Variants in BMP6 observed in about 807,000 individuals in gnomAD.
BMP6 encodes bone morphogenetic protein 6.
In BMP6, 17 loss-of-function variants were observed where a neutral mutation model predicts 54.1. The observed-to-expected ratio is 0.31, with a 90% CI of 0.22 to 0.47. The LOEUF is 0.47. Ranked by LOEUF, BMP6 falls within the 20% of genes least tolerant of loss-of-function variation. BMP6 has a pLI of 1.00. For synonymous variants in BMP6, 328 were observed against 291.2 expected (o/e 1.13, Z -1.28); for missense variants, 720 against 690.4 (o/e 1.04, Z -0.48).
intron 1 of BMP6, among the ~76,000 whole-genome samples, chr6:7,820,631 A>G (rs1391094394): frequency 2.0e-5 from 3 of 152,174 alleles, no homozygotes; most frequent in Non-Finnish European, 2.9e-5. Flanking sequence ...CCAGCTGCTC[A>G]TTCCCCGAGG....
intron 1 of BMP6, among the ~76,000 whole-genome samples, chr6:7,778,160 T>C (rs1467231265): frequency 1.3e-5 from 2 of 152,092 alleles, no homozygotes; most frequent in African/African-American, 2.4e-5. Context: ...GAGAGGTGTG[T>C]CATAAAAGGC....
intron 1 of BMP6, among the ~76,000 whole-genome samples, chr6:7,728,304 G>A (rs1201307161): frequency 6.6e-6 from 1 of 152,186 alleles, no homozygotes; most frequent in Admixed American, 6.5e-5. Flanking sequence ...CATGCCCTTG[G>A]CCATTGTCCC....
intron 1 of BMP6, among the ~76,000 whole-genome samples, chr6:7,833,981 C>T (rs1241287116): frequency 1.8e-4 from 27 of 152,078 alleles, no homozygotes; most frequent in Non-Finnish European, 1.5e-5. Flanking sequence ...TTCAGGACTC[C>T]CCTGTGGGAG....
chr6:7,750,206 A>T lies in BMP6; in HGVS notation c.664+22587A>T, dbSNP rs143946854. 8.5e-5 allele frequency among the ~76,000 whole-genome samples: 13 copies of T among 152,338 alleles called. No individual in the cohort carries two copies. The East Asian group carries it at 1.7e-3, about 20-fold the overall frequency. ...TTTAACATGTTGTGTGCCCTTGAAC[A>T]TCTGCGTGCCTACTGTGTGCTGGCT... is the stretch of plus-strand genomic sequence containing the variant. On this transcript the variant is annotated intron_variant, in intron 1 of 6. Coordinates refer to ENST00000283147, the MANE Select transcript of BMP6 (RefSeq NM_001718.6).
intron 1 of BMP6, among the ~76,000 whole-genome samples, chr6:7,732,689 A>G (rs373567066): frequency 1.3e-3 from 196 of 152,268 alleles, no homozygotes; most frequent in Middle Eastern, 0.01. Flanking sequence ...AATGTAGTAT[A>G]TCAAACGTAG....
intron 1 of BMP6, among the ~76,000 whole-genome samples, chr6:7,797,777 C>T (rs1172860256): frequency 2.6e-5 from 4 of 152,104 alleles, no homozygotes; most frequent in Non-Finnish European, 5.9e-5. Flanking sequence ...AAAGAAGAGA[C>T]CGATACAAGT....
intron 1 of BMP6, among the ~76,000 whole-genome samples, chr6:7,734,462 A>G (rs1761922890): frequency 1.3e-5 from 2 of 152,214 alleles, no homozygotes; most frequent in African/African-American, 2.4e-5. Flanking sequence ...GCTGGAGTGG[A>G]TAATGAAGGA....
intron 1 of BMP6, among the ~76,000 whole-genome samples, chr6:7,763,535 C>T (rs997807470): frequency 2.0e-5 from 3 of 152,142 alleles, no homozygotes; most frequent in Non-Finnish European, 2.9e-5. Flanking sequence ...AAGAGGCTGG[C>T]GGGTTTCATG....
intron 1 of BMP6, among the ~76,000 whole-genome samples, chr6:7,775,220 A>G (rs541774018): frequency 4.5e-4 from 69 of 152,338 alleles, no homozygotes; most frequent in African/African-American, 1.5e-3. Flanking sequence ...GGAAATTAAG[A>G]TGAATGTTTG....
chr6:7,855,553 CTTTTTTTTT>C (rs778898901), intron 2 of BMP6, among the ~76,000 whole-genome samples: 7 of 105,052 alleles, frequency 6.7e-5, no homozygotes, highest in South Asian at 3.6e-4. Context: ...CTCTCTCTCT[CTTTTTTTTT>C]TTTTTTTTTT....
chr6:7,876,505 C>G (rs1229682503), intron 4 of BMP6, among the ~76,000 whole-genome samples: 1 of 152,154 alleles, frequency 6.6e-6, no homozygotes, highest in African/African-American at 2.4e-5. Flanking sequence ...TCTTCCATGT[C>G]TCTTTACAAA....
intron 1 of BMP6, among the ~76,000 whole-genome samples, chr6:7,768,002 AG>A (rs1757718073): frequency 6.6e-6 from 1 of 151,802 alleles, no homozygotes; most frequent in African/African-American, 2.4e-5. Context: ...AGTGGGTCTC[AG>A]GTTTTTTTCT....
At chr6:7,749,822 A>G (rs1026551999) in intron 1 of BMP6, among the ~76,000 whole-genome samples, 1 of 152,252 alleles carries the variant, frequency 6.6e-6, no homozygotes, top group Non-Finnish European at 1.5e-5. Context: ...CATCAGAATC[A>G]ATGGAGGGGC....
intron 1 of BMP6, among the ~76,000 whole-genome samples, chr6:7,733,426 G>A (rs978808898): frequency 3.1e-4 from 47 of 152,200 alleles, no homozygotes; most frequent in African/African-American, 1.0e-3. Context: ...AGAAATCACC[G>A]CAGAAACTCC....
chr6:7,753,504 C>T (rs1021119597), intron 1 of BMP6, among the ~76,000 whole-genome samples: 1 of 152,176 alleles, frequency 6.6e-6, no homozygotes, highest in Non-Finnish European at 1.5e-5. Flanking sequence ...TCGAGAAGCA[C>T]TGATCCAACC....
At chr6:7,747,487 C>G (rs964901774) in intron 1 of BMP6, among the ~76,000 whole-genome samples, 1 of 152,184 alleles carries the variant, frequency 6.6e-6, no homozygotes, top group African/African-American at 2.4e-5. Flanking sequence ...GGGCCCTGAG[C>G]TGACAGCCAG....
chr6:7,765,034 C>T (rs960881934), intron 1 of BMP6, among the ~76,000 whole-genome samples: 1 of 152,168 alleles, frequency 6.6e-6, no homozygotes, highest in Non-Finnish European at 1.5e-5. Context: ...GGAGACTGGT[C>T]GAAAGTTTGA....
chr6:7,807,982 A>C (rs796352372), intron 1 of BMP6, among the ~76,000 whole-genome samples: 2 of 133,240 alleles, frequency 1.5e-5, no homozygotes, highest in South Asian at 4.6e-4. Flanking sequence ...GTGCAGTGGC[A>C]CGATCTCAGC....
intron 1 of BMP6, among the ~76,000 whole-genome samples, chr6:7,816,092 A>C (rs1758521153): frequency 6.6e-6 from 1 of 152,208 alleles, no homozygotes; most frequent in Non-Finnish European, 1.5e-5. Flanking sequence ...TAAAGGACTA[A>C]GGAAGTCCGG....
Sources: gnomAD v4.1 joint callset for allele counts (sites outside exome capture counted in the v4.1 genomes callset) on GRCh38, gnomAD v4.1.1 for gene constraint, MANE v1.5 for transcripts, NCBI Gene and HGNC (gene_info 2026-07-23, HGNC 2026-07-21) for gene names.